PCBP3: variants seen among roughly 807,000 people sequenced by gnomAD.
The protein encoded by PCBP3 is poly(rC)-binding protein 3.
A neutral mutation model predicts 52.7 loss-of-function variants in PCBP3; 25 were observed. The ratio of observed to expected loss-of-function variants is 0.47; its 90% CI spans 0.35 to 0.66. The LOEUF (loss-of-function observed/expected upper bound fraction) is 0.66, where lower values mean the gene tolerates loss of function less well. PCBP3 is among the 30% of genes least tolerant of loss of function. The probability of loss-of-function intolerance (pLI) is 0.01; values close to 1 mark genes in which losing one functional copy is unlikely to be tolerated. For missense variants in PCBP3, 391 were observed against 490.3 expected (o/e 0.80, Z 1.91); for synonymous variants, 162 against 183.0 (o/e 0.89, Z 0.93).
chr21:45,896,300 T>C lies in PCBP3; in HGVS notation c.103T>C (p.Ser35Pro), dbSNP rs1357634779. Residue 35 changes from serine to proline, a missense_variant, in exon 6 of 18, where the codon TCC (serine) becomes CCC (proline). Physicochemically the swap from Ser to Pro is moderately conservative, Grantham distance 74. Transcript: ENST00000681687. ...GCCACAATTTGGCAGAAGGATGGAG[T>C]CCAAGGTCTCAGAAGGTGGCCTGAA... is the stretch of plus-strand genomic sequence containing the variant. ...PQPQFGRRME[S>P]KVSEGGLNVT... 1.7e-5 allele frequency: 27 copies of C among 1,552,012 alleles called. No individual in the cohort carries two copies. Among genetic ancestry groups the C allele is most frequent in the Non-Finnish European group, 2.4e-5 (27 of 1,147,108 alleles).
At chr21:45,710,528 G>A (rs925555583) in intron 2 of PCBP3, among the ~76,000 whole-genome samples, 9 of 152,120 alleles carry the variant, frequency 5.9e-5, no homozygotes, top group Non-Finnish European at 1.2e-4. Flanking sequence ...GTGTATATGT[G>A]CCACATTTTC....
chr21:45,884,921 A>G (rs552820256), intron 5 of PCBP3, among the ~76,000 whole-genome samples: 1 of 152,310 alleles, frequency 6.6e-6, no homozygotes, highest in East Asian at 1.9e-4. Context: ...ATATCAGACA[A>G]TGCTGTAATT....
chr21:45,866,990 T>A (rs2094759752), intron 5 of PCBP3, among the ~76,000 whole-genome samples: 1 of 152,218 alleles, frequency 6.6e-6, no homozygotes, highest in South Asian at 2.1e-4. Flanking sequence ...TTTGTTTTGC[T>A]TAAAAAACAG....
intron 5 of PCBP3, among the ~76,000 whole-genome samples, chr21:45,866,964 G>T (rs2094758731): frequency 1.3e-5 from 2 of 152,218 alleles, no homozygotes; most frequent in Admixed American, 1.3e-4. Flanking sequence ...AACACAGGCA[G>T]GACTGGAGGC....
chr21:45,785,943 T>C (rs866677452), intron 4 of PCBP3, among the ~76,000 whole-genome samples: 3 of 149,374 alleles, frequency 2.0e-5, no homozygotes, highest in Non-Finnish European at 4.5e-5. Flanking sequence ...AGCATGCTCG[T>C]TAAGAGTCAT....
At position 45,704,238 on chromosome 21, in the gene PCBP3, A is replaced by T. The variant is rs2083307242; in HGVS notation, c.-199-31154A>T. On this transcript the variant is annotated intron_variant, in intron 2 of 17. Coordinates refer to ENST00000681687, the MANE Select transcript of PCBP3 (RefSeq NM_001384156.1). This position sits in a 1 kb window ranked among gnomAD's most constrained non-coding sequence, Gnocchi z 4.1. The stretch of plus-strand genomic sequence containing the variant: ...TGGCTCCAAGGAGACTCTGGTGGCA[A>T]CCCTGAGCAGTGTGGAGTCAGTGGT... 6.6e-6 allele frequency among the ~76,000 whole-genome samples: 1 copy of T among 152,086 alleles called. No homozygotes were observed. Among genetic ancestry groups the T allele is most frequent in the African/African-American group, 2.4e-5 (1 of 41,406 alleles).
chr21:45,764,685 G>A (rs2089120565), intron 4 of PCBP3, among the ~76,000 whole-genome samples: 1 of 152,234 alleles, frequency 6.6e-6, no homozygotes, highest in African/African-American at 2.4e-5. Flanking sequence ...GGTACATGGA[G>A]TCAGCCAGCT....
intron 13 of PCBP3, among the ~76,000 whole-genome samples, chr21:45,925,555 C>G (rs2075288215): frequency 6.6e-6 from 1 of 151,672 alleles, no homozygotes; most frequent in Non-Finnish European, 1.5e-5. Flanking sequence ...GGCAAGCAAA[C>G]AAGCAAAAAA....
At position 45,802,263 on chromosome 21, in the gene PCBP3, G is replaced by A. The variant is rs989844872; in HGVS notation, c.-126+46811G>A. Reference sequence around the variant, plus strand: ...TGCAGAGGCTCACAGCTGGGTGCTGGGGCTGGGGGTGAGCTAGCTGTCCGG... The same window carrying A: ...TGCAGAGGCTCACAGCTGGGTGCTGAGGCTGGGGGTGAGCTAGCTGTCCGG... On this transcript the variant is annotated intron_variant, in intron 4 of 17. Coordinates refer to ENST00000681687, the MANE Select transcript of PCBP3 (RefSeq NM_001384156.1). This position sits in a 1 kb window ranked among gnomAD's most constrained non-coding sequence, Gnocchi z 5.1. 3.3e-5 allele frequency among the ~76,000 whole-genome samples: 5 copies of A among 152,172 alleles called. No homozygotes were observed. The highest frequency in any genetic ancestry group is 7.4e-5 in the Non-Finnish European group (5 of 68,022).
intron 4 of PCBP3, among the ~76,000 whole-genome samples, chr21:45,783,292 G>T (rs1472007071): frequency 6.6e-6 from 1 of 152,100 alleles, no homozygotes; most frequent in Non-Finnish European, 1.5e-5. Flanking sequence ...TTGGTTTTCA[G>T]CCATTTTTCT....
chr21:45,874,213 T>C (rs2095156749), intron 5 of PCBP3, among the ~76,000 whole-genome samples: 1 of 152,256 alleles, frequency 6.6e-6, no homozygotes, highest in South Asian at 2.1e-4. Context: ...ATCGGCTCAC[T>C]TTGACCTTTT....
intron 4 of PCBP3, among the ~76,000 whole-genome samples, chr21:45,787,953 T>A (rs1178798982): frequency 1.3e-5 from 2 of 152,124 alleles, no homozygotes; most frequent in African/African-American, 4.8e-5. Context: ...AAGGGTAACT[T>A]TTTAGCAGAC....
intron 4 of PCBP3, among the ~76,000 whole-genome samples, chr21:45,759,115 T>G (rs2088364626): frequency 6.6e-6 from 1 of 152,216 alleles, no homozygotes; most frequent in African/African-American, 2.4e-5. Flanking sequence ...GATTTGGGTT[T>G]GTAGTGTTCT....
chr21:45,699,077 T>C (rs2082956305), intron 2 of PCBP3, among the ~76,000 whole-genome samples: 1 of 152,180 alleles, frequency 6.6e-6, no homozygotes, highest in Non-Finnish European at 1.5e-5. Context: ...ATCCCTGAGC[T>C]TTATGTAGCA....
At chr21:45,849,319 C>T (rs569714542) in intron 4 of PCBP3, among the ~76,000 whole-genome samples, 155 of 152,048 alleles carry the variant, frequency 1.0e-3, no homozygotes, top group African/African-American at 3.7e-3. Flanking sequence ...AATTCTCCTG[C>T]CTCAGCCTCC....
chr21:45,808,820 A>C (rs1409353668), intron 4 of PCBP3, among the ~76,000 whole-genome samples: 1 of 152,248 alleles, frequency 6.6e-6, no homozygotes, highest in Non-Finnish European at 1.5e-5. Flanking sequence ...CTGGATAAAG[A>C]AAACGTGGCA....
intron 4 of PCBP3, among the ~76,000 whole-genome samples, chr21:45,845,672 C>T (rs7283409): frequency 0.031 from 3,997 of 127,520 alleles, 182 homozygotes; most frequent in African/African-American, 0.11. Context: ...TTGCCATGTG[C>T]ATGCATGTGT....
At chr21:45,914,252 C>T (rs1603501093) in intron 12 of PCBP3, 2 of 649,922 alleles carry the variant, frequency 3.1e-6, no homozygotes, top group East Asian at 6.2e-5. Context: ...TGTTCTCCCT[C>T]CCTGACCCGG....
chr21:45,860,863 G>A (rs967361151), intron 5 of PCBP3, among the ~76,000 whole-genome samples: 4 of 152,182 alleles, frequency 2.6e-5, no homozygotes, highest in Non-Finnish European at 5.9e-5. Context: ...GCAGCCCTTG[G>A]CAGCGACCCC....
Sources: allele counts gnomAD v4.1 joint callset (sites outside exome capture counted in the v4.1 genomes callset), GRCh38; gene constraint gnomAD v4.1.1; non-coding constraint Gnocchi (gnomAD v3.1); transcripts MANE v1.5; gene names NCBI Gene and HGNC (gene_info 2026-07-23, HGNC 2026-07-21).